RBFOX1: variants seen among roughly 807,000 people sequenced by gnomAD.
RBFOX1 encodes the protein RNA binding protein fox-1 homolog 1.
Under a neutral mutation model 57.7 loss-of-function variants are expected in RBFOX1, and 8 were observed. The observed-to-expected ratio is 0.14, with a 90% CI of 0.08 to 0.25. The LOEUF (loss-of-function observed/expected upper bound fraction) is 0.25. Among genes scored for constraint, RBFOX1 ranks in the 10% least tolerant of loss-of-function variants. The probability of loss-of-function intolerance (pLI) is 1.00; values close to 1 mark genes in which losing one functional copy is unlikely to be tolerated. For synonymous variants in RBFOX1, 326 were observed against 222.4 expected (o/e 1.47, Z -4.15); for missense variants, 611 against 548.5 (o/e 1.11, Z -1.14).
At chr16:6,971,326 A>T (rs1480995018) in intron 3 of RBFOX1, among the ~76,000 whole-genome samples, 1 of 152,278 alleles carries the variant, frequency 6.6e-6, no homozygotes, top group East Asian at 1.9e-4. Context: ...CCACAGAAAC[A>T]TCCATGGAAG....
At chr16:7,700,069 C>T (rs772100094) in intron 14 of RBFOX1, among the ~76,000 whole-genome samples, 1 of 152,084 alleles carries the variant, frequency 6.6e-6, no homozygotes, top group African/African-American at 2.4e-5. Context: ...ACTTCTCAAC[C>T]TGCTTGTTTT....
At chr16:6,993,442 G>A (rs1031017285) in intron 3 of RBFOX1, among the ~76,000 whole-genome samples, 1 of 152,196 alleles carries the variant, frequency 6.6e-6, no homozygotes, top group African/African-American at 2.4e-5. Flanking sequence ...ATTGCTGGCT[G>A]AGGGATCCAT....
intron 3 of RBFOX1, among the ~76,000 whole-genome samples, chr16:6,809,016 A>C (rs2087704340): frequency 6.6e-6 from 1 of 152,212 alleles, no homozygotes; most frequent in Admixed American, 6.5e-5. Flanking sequence ...AACCTGACTT[A>C]GGAGTATGCA....
intron 2 of RBFOX1, among the ~76,000 whole-genome samples, chr16:6,494,067 AT>A (rs146268281): frequency 0.027 from 4,040 of 152,220 alleles, 185 homozygotes; most frequent in African/African-American, 0.091. Flanking sequence ...CTTAATTGAA[AT>A]TTTTACAGAG....
rs563483592 is a variant in RBFOX1 at position 6,788,195 on chromosome 16, C to G, written c.-16+133545C>G. On this transcript the variant is annotated intron_variant, in intron 3 of 15. Transcript: ENST00000550418. ...TGAGATCGTGCCAGTGCACTCCAGCCTGCAACAAAAGTGAAACTCCATCTA... is the reference window on the plus strand; with the variant it reads ...TGAGATCGTGCCAGTGCACTCCAGCGTGCAACAAAAGTGAAACTCCATCTA... 6.4e-4 allele frequency among the ~76,000 whole-genome samples: 98 copies of G among 152,062 alleles called. No individual in the cohort carries two copies. The South Asian group carries it at 9.2e-3, about 14-fold the overall frequency.
intron 3 of RBFOX1, among the ~76,000 whole-genome samples, chr16:6,707,678 G>A (rs969821484): frequency 2.6e-5 from 4 of 152,130 alleles, no homozygotes; most frequent in Non-Finnish European, 5.9e-5. Context: ...TACAAGCCCA[G>A]GAGAGTGATA....
At chr16:6,056,016 A>G (rs926559550) in intron 1 of RBFOX1, among the ~76,000 whole-genome samples, 6 of 152,040 alleles carry the variant, frequency 3.9e-5, no homozygotes, top group Non-Finnish European at 5.9e-5. Context: ...AATTTGTTTC[A>G]TTTCTTTGCA....
chr16:7,615,287 C>T (rs10852687), intron 10 of RBFOX1, among the ~76,000 whole-genome samples: 46,954 of 151,780 alleles, frequency 0.31, 7,573 homozygotes, highest in African/African-American at 0.38. Flanking sequence ...GAGCTGAGAT[C>T]GTGCCACTGC....
intron 1 of RBFOX1, among the ~76,000 whole-genome samples, chr16:5,343,390 C>G (rs145554189): frequency 8.4e-4 from 124 of 147,252 alleles, no homozygotes; most frequent in African/African-American, 3.0e-3. Flanking sequence ...TCTCAGCTCA[C>G]TGCAAGCTCT....
At chr16:6,703,332 G>A (rs753404657) in intron 3 of RBFOX1, among the ~76,000 whole-genome samples, 1 of 152,086 alleles carries the variant, frequency 6.6e-6, no homozygotes, top group African/African-American at 2.4e-5. Context: ...CCAGCACTTA[G>A]GGAGGCTGAG....
At chr16:5,625,766 C>A (rs2048332135) in intron 3 of RBFOX1, among the ~76,000 whole-genome samples, 1 of 152,046 alleles carries the variant, frequency 6.6e-6, no homozygotes, top group South Asian at 2.1e-4. Flanking sequence ...TCATTTTGGC[C>A]AGGCTGGTTT....
chr16:7,000,891 C>A (rs190872932), intron 3 of RBFOX1, among the ~76,000 whole-genome samples: 2 of 152,072 alleles, frequency 1.3e-5, no homozygotes, highest in South Asian at 2.1e-4. Context: ...CGTGAGCCAC[C>A]GCACCTGGGA....
intron 3 of RBFOX1, among the ~76,000 whole-genome samples, chr16:6,743,883 T>C (rs2072936779): frequency 1.4e-5 from 2 of 141,768 alleles, no homozygotes; most frequent in Admixed American, 1.4e-4. Context: ...TCCTATACAT[T>C]AATTAAGGAT....
chr16:7,197,164 T>G (rs2086909489), intron 4 of RBFOX1, among the ~76,000 whole-genome samples: 1 of 152,180 alleles, frequency 6.6e-6, no homozygotes, highest in African/African-American at 2.4e-5. Flanking sequence ...GTTCTCTGGT[T>G]TCTCCAGGCT....
chr16:6,932,707 C>G (rs562456204), intron 3 of RBFOX1, among the ~76,000 whole-genome samples: 1 of 152,090 alleles, frequency 6.6e-6, no homozygotes, highest in Non-Finnish European at 1.5e-5. Flanking sequence ...TCACTAATCT[C>G]TTTCTGTTAA....
At chr16:5,628,017 C>T (rs1044458148) in intron 3 of RBFOX1, among the ~76,000 whole-genome samples, 13 of 152,150 alleles carry the variant, frequency 8.5e-5, no homozygotes, top group African/African-American at 3.1e-4. Flanking sequence ...CCTCTTCTGC[C>T]ATCAGAGAGA....
intron 3 of RBFOX1, among the ~76,000 whole-genome samples, chr16:5,772,840 G>A (rs1342924519): frequency 6.6e-6 from 1 of 152,120 alleles, no homozygotes; most frequent in Non-Finnish European, 1.5e-5. Flanking sequence ...CAGGGCAAAG[G>A]GCTGTCAGTT....
chr16:6,119,183 AT>A (rs1320386852), intron 1 of RBFOX1, among the ~76,000 whole-genome samples: 1 of 152,018 alleles, frequency 6.6e-6, no homozygotes, highest in Non-Finnish European at 1.5e-5. Flanking sequence ...TAAAGAAATC[AT>A]TTTGGCTCAA....
chr16:7,010,087 A>T (rs575282608), intron 3 of RBFOX1, among the ~76,000 whole-genome samples: 1 of 152,194 alleles, frequency 6.6e-6, no homozygotes, highest in Non-Finnish European at 1.5e-5. Flanking sequence ...GTTAACTTCT[A>T]TAACGGTTTG....
Sources: gnomAD v4.1 joint callset for allele counts (sites outside exome capture counted in the v4.1 genomes callset) on GRCh38, gnomAD v4.1.1 for gene constraint, MANE v1.5 for transcripts, NCBI Gene and HGNC (gene_info 2026-07-23, HGNC 2026-07-21) for gene names.